The following ATP8A2 variants were observed in gnomAD, a reference collection of about 807,000 sequenced individuals.
ATP8A2 encodes the protein phospholipid-transporting ATPase IB.
ATP8A2 carries 100 observed loss-of-function variants against 165.6 expected under a neutral mutation model. That is an observed-to-expected ratio of 0.60 (90% CI 0.51 to 0.71). The LOEUF (loss-of-function observed/expected upper bound fraction) is 0.71. Among genes scored for constraint, ATP8A2 ranks in the 30% least tolerant of loss-of-function variants. ATP8A2 has a pLI of 0.00. For synonymous variants in ATP8A2, 543 were observed against 548.8 expected (o/e 0.99, Z 0.15); for missense variants, 1,227 against 1,479.5 (o/e 0.83, Z 2.80).
rs2044709737 is a variant in ATP8A2, at chr13:25,774,972, A to T, written c.2679+13A>T. 1.4e-6 allele frequency: 2 copies of T among 1,439,086 alleles called. No individual in the cohort carries two copies. The highest frequency in any genetic ancestry group is 1.9e-6 in the Non-Finnish European group (2 of 1,034,020). The allele number at this position is 1,439,086 out of a possible 1,614,324, so 89.1% of individuals were successfully genotyped here. On this transcript the variant is annotated intron_variant, in intron 27 of 36. Coordinates refer to ENST00000381655, the MANE Select transcript of ATP8A2 (RefSeq NM_016529.6). ...GTATATTATTGAGGTAAGAAGGGGT[A>T]TTTTTTTTCCTTGAAGAGAAAGTTC...
intron 26 of ATP8A2, among the ~76,000 whole-genome samples, chr13:25,773,994 G>A (rs1162538357): frequency 6.6e-6 from 1 of 152,192 alleles, no homozygotes; most frequent in Admixed American, 6.5e-5. Flanking sequence ...ACTGTATTGT[G>A]TGAGTGTCCC....
chr13:25,399,563 T>C (rs2033556374), intron 1 of ATP8A2, among the ~76,000 whole-genome samples: 1 of 14,064 alleles, frequency 7.1e-5, no homozygotes, highest in African/African-American at 9.2e-5. Context: ...CACGCCCGGC[T>C]AATTTTTTTT....
chr13:25,876,078 A>T (rs993065685), intron 33 of ATP8A2, among the ~76,000 whole-genome samples: 23 of 152,194 alleles, frequency 1.5e-4, no homozygotes, highest in African/African-American at 5.3e-4. Flanking sequence ...GTTTTGGTTG[A>T]GAAAAATGTG....
intron 33 of ATP8A2, among the ~76,000 whole-genome samples, chr13:25,915,526 G>T (rs758418218): frequency 6.6e-6 from 1 of 152,290 alleles, no homozygotes; most frequent in African/African-American, 2.4e-5. Flanking sequence ...CAGCAGGGGC[G>T]GGAGCAATAA....
At chr13:25,656,170 G>A (rs2137659687) in intron 24 of ATP8A2, among the ~76,000 whole-genome samples, 1 of 152,266 alleles carries the variant, frequency 6.6e-6, no homozygotes, top group South Asian at 2.1e-4. Flanking sequence ...GGACCAAATA[G>A]GTTTACACAC....
At chr13:25,499,917 G>T (rs2036800791) in intron 2 of ATP8A2, among the ~76,000 whole-genome samples, 1 of 152,090 alleles carries the variant, frequency 6.6e-6, no homozygotes, top group Non-Finnish European at 1.5e-5. Flanking sequence ...GAAACGGGAG[G>T]TAGAGCAGGG....
chr13:25,673,299 A>G (rs938379744), intron 24 of ATP8A2, among the ~76,000 whole-genome samples: 1 of 152,186 alleles, frequency 6.6e-6, no homozygotes, highest in African/African-American at 2.4e-5. Flanking sequence ...GTGGAATTCT[A>G]TTTGATGATT....
chr13:25,869,510 C>T (rs538593026), intron 33 of ATP8A2, among the ~76,000 whole-genome samples: 9 of 152,302 alleles, frequency 5.9e-5, no homozygotes, highest in African/African-American at 1.4e-4. Context: ...ATGCCTAAGA[C>T]ATTTATGAAG....
chr13:25,834,852 G>A (rs1323676427), intron 28 of ATP8A2, among the ~76,000 whole-genome samples: 1 of 152,192 alleles, frequency 6.6e-6, no homozygotes, highest in Non-Finnish European at 1.5e-5. Context: ...GTGAAATTGA[G>A]ACAGGGTCTT....
At chr13:25,535,464 A>C (rs2038248141) in intron 6 of ATP8A2, among the ~76,000 whole-genome samples, 1 of 152,180 alleles carries the variant, frequency 6.6e-6, no homozygotes, top group South Asian at 2.1e-4. Context: ...TTCTGTTCCC[A>C]GTGTACTAAT....
At chr13:25,589,381 A>G (rs114654831) in intron 23 of ATP8A2, among the ~76,000 whole-genome samples, 205 of 152,342 alleles carry the variant, frequency 1.3e-3, no homozygotes, top group African/African-American at 4.9e-3. Flanking sequence ...ATACAAGGAT[A>G]ACAGAGATAA....
rs924017424 is a variant in ATP8A2, at chr13:25,415,057, C to T, written c.76+42769C>T. 4.6e-5 allele frequency among the ~76,000 whole-genome samples: 7 copies of T among 152,140 alleles called. 1 individual carries two copies. The highest frequency in any genetic ancestry group is 7.3e-5 in the Non-Finnish European group (5 of 68,038). On this transcript the variant is annotated intron_variant, in intron 1 of 36. Transcript: ENST00000381655. ...GAGAGATGGTTTCGGAGAAAAGTGG[C>T]GTTGAAAGCCAACTGAGACTGTGAC...
intron 1 of ATP8A2, among the ~76,000 whole-genome samples, chr13:25,383,579 A>G (rs1178729876): frequency 1.3e-5 from 2 of 152,216 alleles, no homozygotes; most frequent in Non-Finnish European, 2.9e-5. Flanking sequence ...AACTTTAGCG[A>G]AATCCAACTT....
chr13:25,539,148 G>A (rs139484559), intron 7 of ATP8A2, among the ~76,000 whole-genome samples: 1 of 151,750 alleles, frequency 6.6e-6, no homozygotes, highest in Admixed American at 6.6e-5. Context: ...CCAGGCTGGA[G>A]TGCAGTGGCT....
At chr13:26,015,108 TTTC>T (rs1956938896) in intron 36 of ATP8A2, among the ~76,000 whole-genome samples, 1 of 152,206 alleles carries the variant, frequency 6.6e-6, no homozygotes, top group Non-Finnish European at 1.5e-5. Context: ...ACTAAATGCT[TTTC>T]TTAAGTCAAT....
At chr13:25,713,332 A>G (rs1345692600) in intron 25 of ATP8A2, among the ~76,000 whole-genome samples, 1 of 152,198 alleles carries the variant, frequency 6.6e-6, no homozygotes, top group African/African-American at 2.4e-5. Flanking sequence ...TTGATTTAGA[A>G]TTTTTCACCA....
chr13:25,784,537 G>A (rs1267907729), intron 27 of ATP8A2, among the ~76,000 whole-genome samples: 1 of 152,072 alleles, frequency 6.6e-6, no homozygotes, highest in Admixed American at 6.6e-5. Flanking sequence ...CTTCCCTAAG[G>A]GCAAATAATC....
intron 25 of ATP8A2, among the ~76,000 whole-genome samples, chr13:25,706,225 G>A (rs1163131843): frequency 6.6e-6 from 1 of 152,168 alleles, no homozygotes; most frequent in Non-Finnish European, 1.5e-5. Context: ...AAGGGGAGCA[G>A]TTTAGAGGTT....
chr13:25,922,225 T>C (rs534259893), intron 33 of ATP8A2, among the ~76,000 whole-genome samples: 52 of 152,360 alleles, frequency 3.4e-4, no homozygotes, highest in African/African-American at 1.2e-3. Context: ...GGTCAGTTTA[T>C]TATGCTTGTT....
Sources: gnomAD v4.1 joint callset for allele counts (sites outside exome capture counted in the v4.1 genomes callset) on GRCh38, gnomAD v4.1.1 for gene constraint, MANE v1.5 for transcripts, NCBI Gene and HGNC (gene_info 2026-07-23, HGNC 2026-07-21) for gene names.